The following TTC7B variants were observed in gnomAD, a reference collection of about 807,000 sequenced individuals.
TTC7B encodes the protein tetratricopeptide repeat protein 7B.
In TTC7B, 28 loss-of-function variants were observed where a neutral mutation model predicts 106.8. The observed-to-expected ratio is 0.26, with a 90% CI of 0.19 to 0.36. The LOEUF (loss-of-function observed/expected upper bound fraction) is 0.36. Ranked by LOEUF, TTC7B falls within the 10% of genes least tolerant of loss-of-function variation. TTC7B has a pLI of 1.00. For synonymous variants in TTC7B, 405 were observed against 430.6 expected (o/e 0.94, Z 0.74); for missense variants, 862 against 1,076.4 (o/e 0.80, Z 2.79).
chr14:90,803,575 G>A (rs1174326288), intron 1 of TTC7B, among the ~76,000 whole-genome samples: 1 of 152,152 alleles, frequency 6.6e-6, no homozygotes, highest in Non-Finnish European at 1.5e-5. Flanking sequence ...CTGGCTAGTT[G>A]GAACTCTTGA....
intron 11 of TTC7B, 52 bp from the exon 12 acceptor site, chr14:90,655,162 T>G: frequency 7.1e-7 from 1 of 1,409,024 alleles, no homozygotes; most frequent in South Asian, 1.1e-5. Context: ...ATTTCTAACA[T>G]GAGTTCCCAT....
chr14:90,561,677 T>G (rs867331663), intron 19 of TTC7B, among the ~76,000 whole-genome samples: 7 of 152,136 alleles, frequency 4.6e-5, no homozygotes, highest in African/African-American at 1.7e-4. Flanking sequence ...GTGGAAGCCG[T>G]TTCTAATTCA....
At chr14:90,736,072 G>C (rs971140590) in intron 4 of TTC7B, among the ~76,000 whole-genome samples, 2 of 151,854 alleles carry the variant, frequency 1.3e-5, no homozygotes, top group African/African-American at 4.8e-5. Flanking sequence ...CAGAAAATAT[G>C]AAAAGGAAAG....
At chr14:90,775,704 T>C (rs1319461999) in intron 3 of TTC7B, among the ~76,000 whole-genome samples, 1 of 152,114 alleles carries the variant, frequency 6.6e-6, no homozygotes, top group African/African-American at 2.4e-5. Context: ...TTGTGTGACA[T>C]AGGGCAAGTC....
At chr14:90,666,375 G>A (rs930454284) in intron 9 of TTC7B, among the ~76,000 whole-genome samples, 4 of 152,080 alleles carry the variant, frequency 2.6e-5, no homozygotes, top group African/African-American at 9.7e-5. Context: ...TGACTGGGCT[G>A]GTCTCAACCT....
At chr14:90,780,057 C>T (rs191406537) in intron 3 of TTC7B, among the ~76,000 whole-genome samples, 4 of 152,272 alleles carry the variant, frequency 2.6e-5, no homozygotes, top group African/African-American at 7.2e-5. Context: ...CCAAGAAAGG[C>T]CCCTGCTGAA....
intron 17 of TTC7B, among the ~76,000 whole-genome samples, chr14:90,596,989 C>T (rs1403839177): frequency 6.6e-6 from 1 of 152,216 alleles, no homozygotes; most frequent in Non-Finnish European, 1.5e-5. Context: ...CAGTGCAGTG[C>T]TCATCACTTC....
chr14:90,786,622 C>T (rs545098699), intron 1 of TTC7B, among the ~76,000 whole-genome samples: 2 of 152,012 alleles, frequency 1.3e-5, no homozygotes, highest in East Asian at 3.9e-4. Flanking sequence ...TCTTGTTGCT[C>T]AGGCTGGAGT....
rs1406032035 is a variant in TTC7B at position 90,699,072 on chromosome 14, C to T, written c.699-3494G>A. On this transcript the variant is annotated intron_variant, in intron 5 of 19. Transcript: ENST00000328459. ...CCTCCCTCTCGACCCTCTGTCCTGGCGATAGGTTCCAGTTCCCCCTTGGGC... is the reference window on the plus strand; with the variant it reads ...CCTCCCTCTCGACCCTCTGTCCTGGTGATAGGTTCCAGTTCCCCCTTGGGC... 6 of 427,608 alleles carry T rather than the reference C, an allele frequency of 1.4e-5. No homozygotes were observed. In the East Asian group the frequency reaches 2.3e-4, roughly 16 times the overall value. 26.5% of individuals were successfully genotyped at this position (427,608 alleles called of 1,614,324 possible). A position where few individuals can be genotyped will look rare whatever the true frequency, so the allele number is the denominator to read the frequency against.
chr14:90,707,007 C>T (rs1286509854), intron 5 of TTC7B, among the ~76,000 whole-genome samples: 1 of 152,224 alleles, frequency 6.6e-6, no homozygotes. Flanking sequence ...TTCAGGACTA[C>T]AGTTTTTCCT....
intron 15 of TTC7B, among the ~76,000 whole-genome samples, chr14:90,627,984 T>A (rs539536360): frequency 2.0e-5 from 3 of 152,244 alleles, no homozygotes; most frequent in Admixed American, 1.3e-4. Context: ...AGTGACATTA[T>A]AATGAAGGGA....
rs1892755878 is a variant in TTC7B, at chr14:90,608,720, G to A, written c.1966+2022C>T. Among the ~76,000 whole-genome samples, 1 of 152,106 alleles carries A rather than the reference G, an allele frequency of 6.6e-6. No individual in the cohort carries two copies. Among genetic ancestry groups the A allele is most frequent in the African/African-American group, 2.4e-5 (1 of 41,412 alleles). Reference sequence around the variant, plus strand: ...ATCTGAGAAAGCTGAATCTGAAGAGGGAGACTCTCAAGCACTCTAGGAAAA... The same window carrying A: ...ATCTGAGAAAGCTGAATCTGAAGAGAGAGACTCTCAAGCACTCTAGGAAAA... On this transcript the variant is annotated intron_variant, in intron 17 of 19. Coordinates refer to ENST00000328459, the MANE Select transcript of TTC7B (RefSeq NM_001010854.2). The surrounding 1 kb of genome is among the most constrained non-coding windows in gnomAD (Gnocchi z 5.1).
chr14:90,713,488 A>G (rs1888527247), intron 5 of TTC7B, among the ~76,000 whole-genome samples: 1 of 152,210 alleles, frequency 6.6e-6, no homozygotes. Context: ...AATTAAAATC[A>G]CAATGGGATA....
chr14:90,615,622 A>AG (rs1893038864), intron 16 of TTC7B, among the ~76,000 whole-genome samples: 1 of 152,214 alleles, frequency 6.6e-6, no homozygotes, highest in Non-Finnish European at 1.5e-5. Context: ...GAGTGTTGCA[A>AG]GGTGTGCTGT....
chr14:90,687,240 C>A (rs183586075), intron 7 of TTC7B, among the ~76,000 whole-genome samples: 1 of 152,194 alleles, frequency 6.6e-6, no homozygotes, highest in South Asian at 2.1e-4. Flanking sequence ...AAGCTGATCA[C>A]GTGTATCCAT....
In TTC7B at chr14:90,637,327, TA is replaced by T. The variant is rs978373526; in HGVS notation, c.1751+6720del. 1.9e-4 allele frequency among the ~76,000 whole-genome samples: 28 copies of T among 150,700 alleles called. 1 individual carries two copies. Among genetic ancestry groups the T allele is most frequent in the Admixed American group, 1.1e-3 (16 of 15,116 alleles). On this transcript the variant is annotated intron_variant, in intron 15 of 19. Transcript: ENST00000328459. ...AGCTTATACATTATACATAGCTTAA[TA>T]AAAAAAAAGAAATAGAAGACCTGAA... is the stretch of plus-strand genomic sequence containing the variant.
intron 3 of TTC7B, chr14:90,766,408 T>C: frequency 1.9e-6 from 1 of 518,156 alleles, no homozygotes; most frequent in South Asian, 2.2e-5. Flanking sequence ...GAAGATGTGG[T>C]GAAAGTCAAG....
chr14:90,812,584 C>T (rs1261142131), intron 1 of TTC7B, among the ~76,000 whole-genome samples: 1 of 152,166 alleles, frequency 6.6e-6, no homozygotes, highest in East Asian at 1.9e-4. Context: ...CCCCAGGCCA[C>T]ACTTCAGCCC....
At chr14:90,680,636 C>T in intron 7 of TTC7B, 101 bp from the exon 8 acceptor site, 1 of 782,996 alleles carries the variant, frequency 1.3e-6, no homozygotes. Context: ...TATATAATAC[C>T]CATGAAAAAT....
Sources: allele counts gnomAD v4.1 joint callset (sites outside exome capture counted in the v4.1 genomes callset), GRCh38; gene constraint gnomAD v4.1.1; non-coding constraint Gnocchi (gnomAD v3.1); transcripts MANE v1.5; gene names NCBI Gene and HGNC (gene_info 2026-07-23, HGNC 2026-07-21).